ASPH: variants seen among roughly 807,000 people sequenced by gnomAD.
The protein encoded by ASPH is aspartyl/asparaginyl beta-hydroxylase.
In ASPH, 100 loss-of-function variants were observed where a neutral mutation model predicts 118.4. The ratio of observed to expected loss-of-function variants is 0.84; its 90% CI spans 0.72 to 1.00. The LOEUF is 1.00. ASPH is among the 50% of genes least tolerant of loss of function. The pLI is 0.00. For synonymous variants in ASPH, 315 were observed against 325.6 expected, an observed-to-expected ratio of 0.97 and a Z score of 0.35; for missense variants, 920 against 919.5, an observed-to-expected ratio of 1.00 and a Z score of -0.01.
At chr8:61,584,668 CTTTT>C (rs1271224499) in intron 14 of ASPH, among the ~76,000 whole-genome samples, 1 of 143,500 alleles carries the variant, frequency 7.0e-6, no homozygotes, top group Non-Finnish European at 1.5e-5. Flanking sequence ...TTTCTTTCTT[CTTTT>C]TTTCTTTTTT....
chr8:61,539,392 G>A (rs1820855502), intron 21 of ASPH, among the ~76,000 whole-genome samples: 1 of 152,100 alleles, frequency 6.6e-6, no homozygotes, highest in South Asian at 2.1e-4. Flanking sequence ...TAGAGCAGGA[G>A]TGAAAGTTTG....
chr8:61,596,146 G>A (rs1286423700), intron 14 of ASPH, among the ~76,000 whole-genome samples: 5 of 151,946 alleles, frequency 3.3e-5, no homozygotes, highest in South Asian at 2.1e-4. Context: ...CACCTGGCCC[G>A]CCACCACCAA....
intron 21 of ASPH, among the ~76,000 whole-genome samples, chr8:61,543,276 G>A (rs60119904): frequency 0.01 from 1,582 of 152,052 alleles, 28 homozygotes; most frequent in African/African-American, 0.035. Flanking sequence ...ACACTTGATC[G>A]TGCTCCATAG....
chr8:61,625,061 T>C (rs181632833), intron 13 of ASPH: 31 of 985,818 alleles, frequency 3.1e-5, no homozygotes, highest in Admixed American at 6.1e-5. Context: ...TATCTTAATG[T>C]TAACAAAATC....
rs369607788 is a variant in ASPH, at chr8:61,700,317, G to T, written c.103+13952C>A. ...GCACAGCCCCAAAGGCAAACCACAG[G>T]AAAGCACACTCACTCCTTCCCCTCC... On this transcript the variant is annotated intron_variant, in intron 1 of 24. Transcript: ENST00000379454. Among the ~76,000 whole-genome samples, 23 of 152,294 alleles carry T rather than the reference G, an allele frequency of 1.5e-4. No individual in the cohort carries two copies. The East Asian group carries it at 3.9e-3, about 26-fold the overall frequency.
At chr8:61,539,777 T>C (rs1821178592) in intron 21 of ASPH, among the ~76,000 whole-genome samples, 1 of 146,754 alleles carries the variant, frequency 6.8e-6, no homozygotes, top group African/African-American at 2.5e-5. Flanking sequence ...CCTGACGAGC[T>C]ACCTACTCTA....
intron 1 of ASPH, chr8:61,689,637 C>T: frequency 1.3e-6 from 2 of 1,560,510 alleles, no homozygotes; most frequent in Non-Finnish European, 1.8e-6. Flanking sequence ...TCAGCTAGAT[C>T]TAAAGCCACT....
intron 21 of ASPH, among the ~76,000 whole-genome samples, chr8:61,537,987 G>C (rs143298441): frequency 6.6e-6 from 1 of 152,172 alleles, no homozygotes; most frequent in Non-Finnish European, 1.5e-5. Context: ...AGCCTCAGCC[G>C]TGTGGACTCT....
intron 1 of ASPH, 146 bp from the exon 2 acceptor site, chr8:61,684,334 C>T: frequency 1.2e-6 from 1 of 824,054 alleles, no homozygotes; most frequent in South Asian, 2.5e-5. Context: ...CAAAACACGT[C>T]ACACAAAATA....
intron 3 of ASPH, chr8:61,664,421 T>C: frequency 1.0e-6 from 1 of 980,414 alleles, no homozygotes; most frequent in Non-Finnish European, 1.2e-6. Flanking sequence ...GTATCATAAA[T>C]AAAAGTGTTC....
chr8:61,599,271 G>GAGAA (rs1843258292), intron 14 of ASPH, among the ~76,000 whole-genome samples: 1 of 152,090 alleles, frequency 6.6e-6, no homozygotes, highest in Non-Finnish European at 1.5e-5. Flanking sequence ...ATTGAACAAT[G>GAGAA]AGAACACTTG....
intron 5 of ASPH, among the ~76,000 whole-genome samples, chr8:61,649,258 T>C (rs903433405): frequency 1.3e-5 from 2 of 151,802 alleles, no homozygotes; most frequent in Non-Finnish European, 2.9e-5. Context: ...AGAAGAAAAA[T>C]CAAAGAAAAC....
intron 5 of ASPH, among the ~76,000 whole-genome samples, chr8:61,649,170 C>G (rs756055462): frequency 6.6e-6 from 1 of 152,148 alleles, no homozygotes; most frequent in Non-Finnish European, 1.5e-5. Context: ...AAGCCACGGT[C>G]ACACCGAGGC....
intron 15 of ASPH, among the ~76,000 whole-genome samples, chr8:61,577,422 A>AAAAAG (rs1449376866): frequency 6.8e-6 from 1 of 147,532 alleles, no homozygotes; most frequent in African/African-American, 2.6e-5. Flanking sequence ...AAAAAAAAAA[A>AAAAAG]AGACAAGACA....
At chr8:61,516,226 C>A (rs531619658) in intron 24 of ASPH, among the ~76,000 whole-genome samples, 1 of 152,312 alleles carries the variant, frequency 6.6e-6, no homozygotes, top group East Asian at 1.9e-4. Flanking sequence ...CACCACTCTG[C>A]AAGTTGAGTG....
intron 24 of ASPH, among the ~76,000 whole-genome samples, chr8:61,514,958 G>A (rs903885763): frequency 4.0e-5 from 6 of 151,392 alleles, no homozygotes; most frequent in African/African-American, 1.2e-4. Flanking sequence ...GGAGGCAGGA[G>A]GCGGGTGGAC....
rs149322750 is a variant in ASPH, at chr8:61,588,798, G to T, written c.977-4769C>A. On this transcript the variant is annotated intron_variant, in intron 14 of 24. Coordinates refer to ENST00000379454, the MANE Select transcript of ASPH (RefSeq NM_004318.4). Reference sequence around the variant, plus strand: ...GAAAAATGAAAACATAAATCATGAAGACGTACACAAAGACTTGCATGCAAA... The same window carrying T: ...GAAAAATGAAAACATAAATCATGAATACGTACACAAAGACTTGCATGCAAA... 3.9e-4 allele frequency among the ~76,000 whole-genome samples: 60 copies of T among 152,220 alleles called. 2 individuals carry two copies. Among genetic ancestry groups the T allele is most frequent in the African/African-American group, 1.2e-3 (50 of 41,524 alleles).
chr8:61,698,033 T>C (rs1013475269), intron 1 of ASPH, among the ~76,000 whole-genome samples: 2 of 152,164 alleles, frequency 1.3e-5, no homozygotes, highest in Non-Finnish European at 1.5e-5. Flanking sequence ...TCCTCCTGGC[T>C]TCAAGCAGTC....
intron 3 of ASPH, chr8:61,664,234 T>C: frequency 4.1e-6 from 4 of 967,500 alleles, no homozygotes; most frequent in Non-Finnish European, 4.9e-6. Context: ...TTCTGATCTC[T>C]AGTGAAGAGA....
Sources: gnomAD v4.1 joint callset for allele counts (sites outside exome capture counted in the v4.1 genomes callset) on GRCh38, gnomAD v4.1.1 for gene constraint, MANE v1.5 for transcripts, NCBI Gene and HGNC (gene_info 2026-07-23, HGNC 2026-07-21) for gene names.